MACROH2A1: variants seen among roughly 807,000 people sequenced by gnomAD.
MACROH2A1 encodes macroH2A.1 histone.
MACROH2A1 carries 2 observed loss-of-function variants against 31.6 expected under a neutral mutation model. The ratio of observed to expected loss-of-function variants is 0.06; its 90% CI spans 0.03 to 0.20. MACROH2A1 has a LOEUF of 0.20. MACROH2A1 is among the 10% of genes least tolerant of loss of function. The pLI, the probability that MACROH2A1 is intolerant of heterozygous loss-of-function variation, is 1.00. For synonymous variants in MACROH2A1, 169 were observed against 189.6 expected (o/e 0.89, Z 0.89); for missense variants, 230 against 474.0 (o/e 0.49, Z 4.78).
intron 6 of MACROH2A1, chr5:135,350,805 C>A (rs547199590): frequency 1.2e-4 from 189 of 1,535,546 alleles, no homozygotes; most frequent in Non-Finnish European, 1.6e-4. Context: ...CACTCGGCAG[C>A]ACCCGGCTAG....
At chr5:135,340,370 G>GAAAA (rs1385942191) in intron 8 of MACROH2A1, among the ~76,000 whole-genome samples, 1 of 152,136 alleles carries the variant, frequency 6.6e-6, no homozygotes, top group African/African-American at 2.4e-5. Flanking sequence ...ATAGTAGCTT[G>GAAAA]AAAAAAATAA....
chr5:135,342,630 G>A (rs886422920), intron 8 of MACROH2A1, among the ~76,000 whole-genome samples: 4 of 152,188 alleles, frequency 2.6e-5, no homozygotes, highest in African/African-American at 9.7e-5. Flanking sequence ...TCTACCTGGG[G>A]ATTTTCTGGG....
intron 2 of MACROH2A1, among the ~76,000 whole-genome samples, chr5:135,371,292 T>C (rs1050134993): frequency 2.0e-5 from 3 of 152,250 alleles, no homozygotes; most frequent in South Asian, 2.1e-4. Context: ...ATAGTAACTA[T>C]AGTTAACAAT....
intron 1 of MACROH2A1, among the ~76,000 whole-genome samples, chr5:135,391,939 G>A (rs1767307681): frequency 6.6e-6 from 1 of 152,212 alleles, no homozygotes; most frequent in Non-Finnish European, 1.5e-5. Flanking sequence ...GTCAGCCTGA[G>A]CTTCTGAGCT....
intron 2 of MACROH2A1, among the ~76,000 whole-genome samples, chr5:135,385,623 G>A (rs748542818): frequency 6.6e-6 from 1 of 152,168 alleles, no homozygotes; most frequent in Non-Finnish European, 1.5e-5. Context: ...CTGGGAAGGG[G>A]CTGGCCTGGC....
chr5:135,357,033 C>G (rs887581278), intron 5 of MACROH2A1: 6 of 152,130 alleles, frequency 3.9e-5, no homozygotes, highest in Admixed American at 3.9e-4. Context: ...TCCATAGGAC[C>G]CTTTCCAGTC....
chr5:135,335,224 C>T, intron 8 of MACROH2A1, 83 bp from the exon 9 acceptor site: 2 of 1,009,196 alleles, frequency 2.0e-6, no homozygotes, highest in Admixed American at 1.8e-5. Context: ...CCACCTCCCT[C>T]TGTGCTGCAG....
intron 2 of MACROH2A1, among the ~76,000 whole-genome samples, chr5:135,373,613 G>A (rs1764472076): frequency 6.6e-6 from 1 of 152,170 alleles, no homozygotes; most frequent in Non-Finnish European, 1.5e-5. Context: ...GTAGCAAGGT[G>A]GATAAGGAGG....
intron 4 of MACROH2A1, among the ~76,000 whole-genome samples, chr5:135,367,993 C>T (rs1193210785): frequency 6.6e-6 from 1 of 152,212 alleles, no homozygotes. Flanking sequence ...TGGCCTCAAG[C>T]CTCTTCCAGG....
chr5:135,389,740 C>T lies in MACROH2A1; in HGVS notation c.-33-614G>A, dbSNP rs550643057. ...CTTGCTCCCAATCCCCATCCAGTCACCCAGTCCAGAGGAAAACCCTCCTCT... is the reference window on the plus strand; with the variant it reads ...CTTGCTCCCAATCCCCATCCAGTCATCCAGTCCAGAGGAAAACCCTCCTCT... On this transcript the variant is annotated intron_variant, in intron 1 of 8. Transcript: ENST00000511689. Among the ~76,000 whole-genome samples, 142 of 152,224 alleles carry T rather than the reference C, an allele frequency of 9.3e-4. 1 individual carries two copies. The highest frequency in any genetic ancestry group is 3.3e-3 in the African/African-American group (135 of 41,526).
At chr5:135,388,359 T>C (rs1182260216) in intron 2 of MACROH2A1, among the ~76,000 whole-genome samples, 1 of 152,170 alleles carries the variant, frequency 6.6e-6, no homozygotes, top group Non-Finnish European at 1.5e-5. Context: ...CCCGACGTGA[T>C]GCACAGAGAA....
At position 135,334,771 on chromosome 5, in the gene MACROH2A1, C is replaced by T; in HGVS notation, c.*205G>A. 1.9e-6 allele frequency: 1 copy of T among 540,042 alleles called. No individual in the cohort carries two copies. 33.5% of individuals were successfully genotyped at this position (540,042 alleles called of 1,614,324 possible). A position where few individuals can be genotyped will look rare whatever the true frequency, so the allele number is the denominator to read the frequency against. ...CGGTCTGGAACACAGTGCTTAACAA[C>T]AGTAATGCCAACTATCAGTGCTAAC... On this transcript the variant is annotated 3_prime_UTR_variant, in exon 9 of 9. Transcript: ENST00000511689.
intron 5 of MACROH2A1, chr5:135,359,680 G>A (rs1377185408): frequency 1.0e-6 from 1 of 984,538 alleles, no homozygotes; most frequent in Non-Finnish European, 1.2e-6. Flanking sequence ...TGCAGCTTCA[G>A]ATCCAAGTTT....
intron 2 of MACROH2A1, among the ~76,000 whole-genome samples, chr5:135,383,374 T>C (rs1235262263): frequency 6.6e-6 from 1 of 152,200 alleles, no homozygotes; most frequent in Non-Finnish European, 1.5e-5. Flanking sequence ...AGGTCTGTCT[T>C]TTACACATAC....
intron 8 of MACROH2A1, among the ~76,000 whole-genome samples, chr5:135,336,278 G>A (rs1758638138): frequency 1.3e-5 from 2 of 152,204 alleles, no homozygotes. Flanking sequence ...ACATCTCAGC[G>A]ATCCACTGTT....
At chr5:135,340,477 C>A (rs1321409349) in intron 8 of MACROH2A1, among the ~76,000 whole-genome samples, 1 of 152,118 alleles carries the variant, frequency 6.6e-6, no homozygotes, top group Non-Finnish European at 1.5e-5. Flanking sequence ...GAGGGGTCAC[C>A]CCTAATGTGA....
intron 4 of MACROH2A1, among the ~76,000 whole-genome samples, chr5:135,368,066 G>A (rs1342037020): frequency 6.6e-6 from 1 of 152,234 alleles, no homozygotes; most frequent in Non-Finnish European, 1.5e-5. Context: ...CTCAATATTG[G>A]GTTTCTCTCT....
chr5:135,389,900 C>T (rs2149966964), intron 1 of MACROH2A1, among the ~76,000 whole-genome samples: 1 of 152,358 alleles, frequency 6.6e-6, no homozygotes, highest in African/African-American at 2.4e-5. Flanking sequence ...CCACCCTCTA[C>T]CCCATGGGTG....
At chr5:135,359,085 T>G (rs1393358982) in intron 5 of MACROH2A1, 1 of 985,408 alleles carries the variant, frequency 1.0e-6, no homozygotes. Context: ...TTGGAAATAT[T>G]TTAGTTCATC....
Sources: gnomAD v4.1 joint callset for allele counts (sites outside exome capture counted in the v4.1 genomes callset) on GRCh38, gnomAD v4.1.1 for gene constraint, MANE v1.5 for transcripts, NCBI Gene and HGNC (gene_info 2026-07-23, HGNC 2026-07-21) for gene names.